COL28A1: variants seen among roughly 807,000 people sequenced by gnomAD.
The protein encoded by COL28A1 is collagen type XXVIII alpha 1 chain.
COL28A1 carries 161 observed loss-of-function variants against 150.2 expected under a neutral mutation model. That is an observed-to-expected ratio of 1.07 (90% CI 0.94 to 1.22). COL28A1 has a LOEUF of 1.22. Among genes scored for constraint, COL28A1 ranks in the 50% most tolerant of loss-of-function variants. The pLI, the probability that COL28A1 is intolerant of heterozygous loss-of-function variation, is 0.00. For missense variants in COL28A1, 1,617 were observed against 1,388.3 expected, an observed-to-expected ratio of 1.16 and a Z score of -2.62; for synonymous variants, 552 against 469.7, an observed-to-expected ratio of 1.18 and a Z score of -2.26.
At chr7:7,379,044 T>G (rs1382362572) in intron 30 of COL28A1, among the ~76,000 whole-genome samples, 2 of 152,224 alleles carry the variant, frequency 1.3e-5, no homozygotes, top group Non-Finnish European at 2.9e-5. Context: ...TGTGGCCATT[T>G]CAACTGAGAA....
intron 27 of COL28A1, among the ~76,000 whole-genome samples, chr7:7,382,232 C>T (rs1349289871): frequency 1.3e-5 from 2 of 151,934 alleles, no homozygotes; most frequent in African/African-American, 2.4e-5. Flanking sequence ...ATTGCTTGAA[C>T]CCAGGAGGCA....
At chr7:7,431,302 T>C (rs989633741) in intron 25 of COL28A1, 2 of 288,442 alleles carry the variant, frequency 6.9e-6, no homozygotes, top group African/African-American at 4.4e-5. Flanking sequence ...CTAGTTCTGG[T>C]GACATGAAGT....
intron 14 of COL28A1, among the ~76,000 whole-genome samples, chr7:7,474,965 G>T (rs1788743561): frequency 6.6e-6 from 1 of 152,128 alleles, no homozygotes; most frequent in Non-Finnish European, 1.5e-5. Context: ...TCTGGAAATG[G>T]ATCACCTAAT....
At chr7:7,354,625 T>C (rs1454423216), downstream of COL28A1, among the ~76,000 whole-genome samples, 3 of 151,884 alleles carry the variant, frequency 2.0e-5, no homozygotes, top group African/African-American at 7.2e-5. Flanking sequence ...ACTATTGATT[T>C]CAGCAAGAAT....
intron 1 of COL28A1, among the ~76,000 whole-genome samples, chr7:7,535,087 C>T (rs78956032): frequency 2.8e-4 from 42 of 152,126 alleles, no homozygotes; most frequent in African/African-American, 8.2e-4. Flanking sequence ...TCTGATGTCA[C>T]GTACAAGCAA....
intron 33 of COL28A1, among the ~76,000 whole-genome samples, chr7:7,368,599 C>T (rs569442831): frequency 6.6e-6 from 1 of 152,194 alleles, no homozygotes; most frequent in Admixed American, 6.5e-5. Flanking sequence ...GTGATTAGGT[C>T]ATGAGGGTGG....
intron 27 of COL28A1, among the ~76,000 whole-genome samples, chr7:7,386,172 A>G (rs1360284490): frequency 6.6e-6 from 1 of 152,138 alleles, no homozygotes; most frequent in Non-Finnish European, 1.5e-5. Flanking sequence ...TGGGAGAGAA[A>G]TTTCTAAGAA....
chr7:7,515,713 C>A, intron 8 of COL28A1, 101 bp downstream of exon 8: 1 of 750,792 alleles, frequency 1.3e-6, no homozygotes, highest in Non-Finnish European at 2.4e-6. Flanking sequence ...TCCAGACTTA[C>A]AAAAATAAAG....
rs1030052568 is a variant in COL28A1, at chr7:7,437,404, G to C, written c.1781C>G (p.Pro594Arg). ...GMPGTSIPGP[P>R]GPKGDRGGPG... is the part of the protein sequence containing the mutation. ...TCCAAGAATATATACCTTTGGCCCA[G>C]GTGGTCCAGGAATTGATGTTCCAGG... Residue 594 changes from proline (P) to arginine (R), a missense_variant, in exon 22 of 35, where the codon CCT (proline) becomes CGT (arginine). Pro to Arg is a moderately radical substitution (Grantham distance 103). Transcript: ENST00000399429. 6.8e-6 allele frequency: 11 copies of C among 1,613,232 alleles called. No homozygotes were observed. Among genetic ancestry groups the C allele is most frequent in the Non-Finnish European group, 9.3e-6 (11 of 1,179,734 alleles).
intron 25 of COL28A1, among the ~76,000 whole-genome samples, chr7:7,423,523 C>T (rs1021833696): frequency 7.3e-5 from 11 of 151,540 alleles, no homozygotes; most frequent in African/African-American, 2.4e-4. Context: ...TTACATCTGT[C>T]GTGTGTATTC....
chr7:7,367,911 A>G (rs1225322886), intron 33 of COL28A1, among the ~76,000 whole-genome samples: 1 of 151,144 alleles, frequency 6.6e-6, no homozygotes, highest in Non-Finnish European at 1.5e-5. Flanking sequence ...TGACAGTCCT[A>G]CCCAAACCCC....
chr7:7,439,087 C>G (rs1785559507), intron 21 of COL28A1, among the ~76,000 whole-genome samples: 1 of 152,196 alleles, frequency 6.6e-6, no homozygotes, highest in Non-Finnish European at 1.5e-5. Flanking sequence ...TGACTCATGT[C>G]CTCTGAAAAT....
intron 11 of COL28A1, among the ~76,000 whole-genome samples, chr7:7,502,530 G>A (rs1780590137): frequency 6.6e-6 from 1 of 152,136 alleles, no homozygotes; most frequent in Non-Finnish European, 1.5e-5. Context: ...AAGACCATTT[G>A]TAAATTCATA....
At chr7:7,348,106 C>T in the COL28A1 span, among the ~76,000 whole-genome samples, 1 of 151,962 alleles carries the variant, frequency 6.6e-6, no homozygotes, top group East Asian at 1.9e-4. Flanking sequence ...TGACAGGACT[C>T]AGTGAGTTAT....
At chr7:7,367,723 C>T (rs949717015) in intron 33 of COL28A1, among the ~76,000 whole-genome samples, 4 of 151,118 alleles carry the variant, frequency 2.6e-5, no homozygotes, top group Admixed American at 6.6e-5. Flanking sequence ...GGGATCTGTT[C>T]TTACTTTTCC....
intron 30 of COL28A1, among the ~76,000 whole-genome samples, chr7:7,378,333 C>A (rs1469063064): frequency 6.6e-6 from 1 of 152,102 alleles, no homozygotes; most frequent in African/African-American, 2.4e-5. Context: ...TTTCACTGTA[C>A]TATAGAATTA....
chr7:7,419,734 G>T, intron 26 of COL28A1, 151 bp downstream of exon 26: 1 of 438,632 alleles, frequency 2.3e-6, no homozygotes, highest in Non-Finnish European at 4.1e-6. Context: ...TTTACTGAAC[G>T]TTCACCTGAT....
intron 16 of COL28A1, 87 bp from the exon 17 acceptor site, chr7:7,453,595 A>G: frequency 1.3e-6 from 1 of 743,166 alleles, no homozygotes; most frequent in Non-Finnish European, 2.3e-6. Flanking sequence ...ATACCCCATA[A>G]TAAGTTACTT....
intron 25 of COL28A1, among the ~76,000 whole-genome samples, chr7:7,429,818 G>C (rs529475588): frequency 6.6e-6 from 1 of 152,102 alleles, no homozygotes; most frequent in Non-Finnish European, 1.5e-5. Context: ...CTTCTCCCCC[G>C]GGCTCTGCCT....
Sources: allele counts gnomAD v4.1 joint callset (sites outside exome capture counted in the v4.1 genomes callset), GRCh38; gene constraint gnomAD v4.1.1; transcripts MANE v1.5; gene names NCBI Gene and HGNC (gene_info 2026-07-23, HGNC 2026-07-21).